NR3C2: variants seen among roughly 807,000 people sequenced by gnomAD.
NR3C2 encodes nuclear receptor subfamily 3 group C member 2.
A neutral mutation model predicts 86.4 loss-of-function variants in NR3C2; 15 were observed. The ratio of observed to expected loss-of-function variants is 0.17; its 90% CI spans 0.12 to 0.27. NR3C2 has a LOEUF of 0.27. Ranked by LOEUF, NR3C2 falls within the 10% of genes least tolerant of loss-of-function variation. The pLI is 1.00. For missense variants in NR3C2, 960 were observed against 1,195.6 expected (o/e 0.80, Z 2.91); for synonymous variants, 458 against 450.5 (o/e 1.02, Z -0.21).
At chr4:148,435,003 G>A in intron 2 of NR3C2, 101 bp downstream of exon 2, 1 of 1,157,838 alleles carries the variant, frequency 8.6e-7, no homozygotes. Flanking sequence ...CCTTAAAACA[G>A]TAATCTGAAA....
chr4:148,091,711 G>A (rs1731071097), intron 8 of NR3C2, among the ~76,000 whole-genome samples: 1 of 152,140 alleles, frequency 6.6e-6, no homozygotes, highest in Non-Finnish European at 1.5e-5. Context: ...TGCAGACTTG[G>A]CCCTTGCCTG....
At chr4:148,406,191 A>C (rs1455283364) in intron 2 of NR3C2, among the ~76,000 whole-genome samples, 1 of 152,136 alleles carries the variant, frequency 6.6e-6, no homozygotes, top group Non-Finnish European at 1.5e-5. Flanking sequence ...AAACAAAAAA[A>C]GTGAACAAGA....
intron 2 of NR3C2, among the ~76,000 whole-genome samples, chr4:148,267,290 T>TTC (rs956749967): frequency 7.0e-6 from 1 of 143,260 alleles, no homozygotes; most frequent in African/African-American, 2.6e-5. Flanking sequence ...TTTTTAATTT[T>TTC]TTTTTTTTTT....
intron 2 of NR3C2, among the ~76,000 whole-genome samples, chr4:148,423,522 A>G (rs1749381331): frequency 6.6e-6 from 1 of 152,094 alleles, no homozygotes; most frequent in Admixed American, 6.5e-5. Flanking sequence ...TTTGGTGACA[A>G]CTTTTATCTC....
rs546480001 is a variant in NR3C2 at position 148,143,645 on chromosome 4, A to G, written c.2510+8824T>C. ...TGAGAGGTAGGGTTTTATAAAAACA[A>G]AACAAAACAAAAACAACAGGCTGGG... is the stretch of plus-strand genomic sequence containing the variant. On this transcript the variant is annotated intron_variant, in intron 6 of 8. Transcript: ENST00000358102. Among the ~76,000 whole-genome samples, 3 of 152,342 alleles carry G rather than the reference A, an allele frequency of 2.0e-5. No individual in the cohort carries two copies. In the South Asian group the frequency reaches 6.2e-4, roughly 32 times the overall value.
At chr4:148,249,794 G>A (rs1444940282) in intron 3 of NR3C2, among the ~76,000 whole-genome samples, 1 of 152,198 alleles carries the variant, frequency 6.6e-6, no homozygotes, top group Non-Finnish European at 1.5e-5. Flanking sequence ...TGTAATGTTA[G>A]AGTCAACAAA....
At chr4:148,088,532 G>A (rs1256947016) in intron 8 of NR3C2, among the ~76,000 whole-genome samples, 2 of 152,140 alleles carry the variant, frequency 1.3e-5, no homozygotes, top group African/African-American at 2.4e-5. Flanking sequence ...ATACTATGCA[G>A]CCATAAAAAG....
chr4:148,210,843 G>C (rs1246674331), intron 3 of NR3C2, among the ~76,000 whole-genome samples: 1 of 152,144 alleles, frequency 6.6e-6, no homozygotes, highest in Non-Finnish European at 1.5e-5. Flanking sequence ...TCACTAACTT[G>C]CTGGGTCATC....
chr4:148,323,800 A>C (rs1743789616), intron 2 of NR3C2, among the ~76,000 whole-genome samples: 1 of 152,022 alleles, frequency 6.6e-6, no homozygotes, highest in Non-Finnish European at 1.5e-5. Flanking sequence ...AGTGCGATGA[A>C]CCCGGTACCT....
intron 4 of NR3C2, among the ~76,000 whole-genome samples, chr4:148,162,208 T>A (rs1255378574): frequency 6.6e-6 from 1 of 152,010 alleles, no homozygotes; most frequent in African/African-American, 2.4e-5. Flanking sequence ...AATAACAAAT[T>A]TCTGGAAGAT....
intron 2 of NR3C2, among the ~76,000 whole-genome samples, chr4:148,311,251 A>C (rs1742885827): frequency 6.6e-6 from 1 of 152,074 alleles, no homozygotes; most frequent in Admixed American, 6.6e-5. Context: ...AATAACTCCA[A>C]ACCAAACTTC....
At position 148,399,662 on chromosome 4, in the gene NR3C2, G is replaced by A. The variant is rs1031343658; in HGVS notation, c.1757+35442C>T. ...TAAACAAACACTACTCTCCATCATCGACAAAGTTTCTATATATACAGACAC... is the reference window on the plus strand; with the variant it reads ...TAAACAAACACTACTCTCCATCATCAACAAAGTTTCTATATATACAGACAC... On this transcript the variant is annotated intron_variant, in intron 2 of 8. Transcript: ENST00000358102. Among the ~76,000 whole-genome samples the A allele has an allele frequency of 4.7e-5, 7 of 147,796 alleles. No homozygotes were observed. In the Admixed American group the frequency reaches 4.9e-4, roughly 10 times the overall value.
chr4:148,164,543 A>G (rs1276296833), intron 4 of NR3C2, among the ~76,000 whole-genome samples: 1 of 152,172 alleles, frequency 6.6e-6, no homozygotes, highest in East Asian at 1.9e-4. Context: ...AAAAAAGAAA[A>G]CCTCTAAGTA....
intron 2 of NR3C2, among the ~76,000 whole-genome samples, chr4:148,292,859 G>A (rs1741862071): frequency 6.6e-6 from 1 of 152,086 alleles, no homozygotes; most frequent in African/African-American, 2.4e-5. Context: ...AGATTTGATA[G>A]ATAACCTTCT....
intron 2 of NR3C2, among the ~76,000 whole-genome samples, chr4:148,373,720 C>T (rs1039132513): frequency 1.1e-4 from 17 of 152,052 alleles, no homozygotes; most frequent in Admixed American, 2.6e-4. Flanking sequence ...TTGTAATCCA[C>T]CTGCCTCGGC....
intron 4 of NR3C2, among the ~76,000 whole-genome samples, chr4:148,175,465 C>T (rs1028029164): frequency 5.9e-5 from 9 of 152,130 alleles, no homozygotes; most frequent in Non-Finnish European, 8.8e-5. Flanking sequence ...ACAGCCTAGA[C>T]GTCCCATCAT....
At chr4:148,105,645 C>T (rs767739935) in intron 8 of NR3C2, among the ~76,000 whole-genome samples, 96 of 152,240 alleles carry the variant, frequency 6.3e-4, no homozygotes, top group Non-Finnish European at 1.0e-3. Context: ...ACTAGCAAAC[C>T]GAATCCAGCA....
intron 3 of NR3C2, among the ~76,000 whole-genome samples, chr4:148,240,500 C>T (rs949164132): frequency 2.6e-5 from 4 of 151,950 alleles, no homozygotes; most frequent in Admixed American, 6.6e-5. Context: ...GCAAAAGCAG[C>T]CAGCCTAGAT....
chr4:148,287,735 T>G (rs188144815), intron 2 of NR3C2, among the ~76,000 whole-genome samples: 18 of 152,278 alleles, frequency 1.2e-4, no homozygotes, highest in Admixed American at 1.2e-3. Context: ...GAGTGTGTAT[T>G]GTAAATATTT....
Sources: gnomAD v4.1 joint callset for allele counts (sites outside exome capture counted in the v4.1 genomes callset) on GRCh38, gnomAD v4.1.1 for gene constraint, MANE v1.5 for transcripts, NCBI Gene and HGNC (gene_info 2026-07-23, HGNC 2026-07-21) for gene names.